NCKAP5: variants seen among roughly 807,000 people sequenced by gnomAD.
The protein encoded by NCKAP5 is NCK associated protein 5, also known as nck-associated protein 5.
In NCKAP5, 92 loss-of-function variants were observed where a neutral mutation model predicts 167.0. That is an observed-to-expected ratio of 0.55 (90% CI 0.47 to 0.66). NCKAP5 has a LOEUF of 0.66. NCKAP5 is among the 30% of genes least tolerant of loss of function. The pLI is 0.00. For synonymous variants in NCKAP5, 891 were observed against 877.4 expected (o/e 1.02, Z -0.27); for missense variants, 2,378 against 2,315.0 (o/e 1.03, Z -0.56).
chr2:133,217,314 C>T (rs2086472970), intron 4 of NCKAP5, among the ~76,000 whole-genome samples: 1 of 151,952 alleles, frequency 6.6e-6, no homozygotes. Flanking sequence ...GTATTAGTCC[C>T]ACCTAAACAA....
intron 3 of NCKAP5, among the ~76,000 whole-genome samples, chr2:133,491,494 C>T (rs1035557569): frequency 4.6e-5 from 7 of 152,108 alleles, no homozygotes; most frequent in Non-Finnish European, 7.3e-5. Flanking sequence ...TCTAAGCAAA[C>T]GTAGGCTAGG....
intron 3 of NCKAP5, among the ~76,000 whole-genome samples, chr2:133,372,435 A>G (rs1220972702): frequency 6.6e-6 from 1 of 152,212 alleles, no homozygotes; most frequent in African/African-American, 2.4e-5. Flanking sequence ...AATGATTCCT[A>G]CTGACTAGAA....
Position 132,996,103 on chromosome 2 carries a change from A to G in NCKAP5, c.342-1864T>C, listed in dbSNP as rs138142624. ...AACAGGAATTTTTCAGCTCCATTAT[A>G]GTTTTAAGACACCACAGTTTTGCAT... On this transcript the variant is annotated intron_variant, in intron 6 of 19. Coordinates refer to ENST00000409261, the MANE Select transcript of NCKAP5 (RefSeq NM_207363.3). Among the ~76,000 whole-genome samples, 799 of 152,338 alleles carry G rather than the reference A, an allele frequency of 5.2e-3. 5 individuals carry two copies. The highest frequency in any genetic ancestry group is 0.018 in the African/African-American group (732 of 41,576).
intron 4 of NCKAP5, among the ~76,000 whole-genome samples, chr2:133,274,745 C>A (rs1379123692): frequency 6.6e-6 from 1 of 150,710 alleles, no homozygotes; most frequent in African/African-American, 2.4e-5. Flanking sequence ...GGATTACTGT[C>A]AAAAAATGGC....
chr2:133,187,567 T>C (rs998069459), intron 5 of NCKAP5, among the ~76,000 whole-genome samples: 10 of 151,994 alleles, frequency 6.6e-5, no homozygotes, highest in Non-Finnish European at 1.5e-4. Context: ...ACAAAACATA[T>C]ATAAGATTGT....
chr2:133,184,687 T>A (rs1410969126), intron 5 of NCKAP5, among the ~76,000 whole-genome samples: 1 of 152,152 alleles, frequency 6.6e-6, no homozygotes, highest in African/African-American at 2.4e-5. Context: ...TATCTTACTG[T>A]GGTTTTGACT....
chr2:132,760,611 C>T (rs1371387700), intron 16 of NCKAP5, among the ~76,000 whole-genome samples: 1 of 150,788 alleles, frequency 6.6e-6, no homozygotes. Context: ...TCATTTTTTC[C>T]CCCTCATGGT....
chr2:132,777,769 T>C (rs1002821718), intron 15 of NCKAP5, among the ~76,000 whole-genome samples: 5 of 152,178 alleles, frequency 3.3e-5, no homozygotes, highest in African/African-American at 1.2e-4. Context: ...ATTTGTGTAA[T>C]TATTGTACTA....
At chr2:133,669,551 C>T in the NCKAP5 span, among the ~76,000 whole-genome samples, 1 of 152,208 alleles carries the variant, frequency 6.6e-6, no homozygotes, top group African/African-American at 2.4e-5. Flanking sequence ...TCCTCTAAAA[C>T]TTAAAATATA....
At chr2:133,606,550 T>C in the NCKAP5 span, among the ~76,000 whole-genome samples, 1 of 152,134 alleles carries the variant, frequency 6.6e-6, no homozygotes, top group Non-Finnish European at 1.5e-5. Context: ...TGACTGACCA[T>C]GCCTATGAAA....
chr2:133,131,667 T>C (rs946171905), intron 5 of NCKAP5, among the ~76,000 whole-genome samples: 1 of 152,112 alleles, frequency 6.6e-6, no homozygotes, highest in Admixed American at 6.6e-5. Context: ...AAAACTAAAA[T>C]CAAAATTAAA....
chr2:133,203,408 G>A (rs1484332452), intron 5 of NCKAP5, among the ~76,000 whole-genome samples: 1 of 152,020 alleles, frequency 6.6e-6, no homozygotes, highest in African/African-American at 2.4e-5. Flanking sequence ...GGGAAGCGGG[G>A]AGGAATAGCA....
the NCKAP5 span, among the ~76,000 whole-genome samples, chr2:133,652,984 G>A: frequency 1.3e-5 from 2 of 152,126 alleles, no homozygotes; most frequent in East Asian, 1.9e-4. Context: ...AGATGAACAC[G>A]AAATTAATGA....
intron 4 of NCKAP5, among the ~76,000 whole-genome samples, chr2:133,245,369 G>GA (rs1225593517): frequency 2.0e-5 from 3 of 151,960 alleles, no homozygotes; most frequent in Admixed American, 6.6e-5. Flanking sequence ...AAAACAGCGA[G>GA]AAAAAAACAA....
chr2:132,687,884 T>C (rs1230722379), intron 19 of NCKAP5, among the ~76,000 whole-genome samples: 1 of 152,102 alleles, frequency 6.6e-6, no homozygotes, highest in Non-Finnish European at 1.5e-5. Flanking sequence ...CCAATAAAGA[T>C]CTCTTGTTGT....
chr2:133,493,578 T>C (rs1681661080), intron 3 of NCKAP5, among the ~76,000 whole-genome samples: 1 of 152,186 alleles, frequency 6.6e-6, no homozygotes, highest in African/African-American at 2.4e-5. Flanking sequence ...TAACAAATAT[T>C]GAAACAAAAC....
the NCKAP5 span, among the ~76,000 whole-genome samples, chr2:133,648,237 T>C: frequency 6.6e-6 from 1 of 151,724 alleles, no homozygotes; most frequent in Non-Finnish European, 1.5e-5. Context: ...TCTCTCTATC[T>C]CACATCAGAT....
chr2:133,411,319 G>A (rs962649987), intron 3 of NCKAP5, among the ~76,000 whole-genome samples: 15 of 152,134 alleles, frequency 9.9e-5, no homozygotes, highest in African/African-American at 3.4e-4. Flanking sequence ...TGGTGTGGGC[G>A]TTGGTAAACT....
At chr2:133,407,836 C>T (rs1272108647) in intron 3 of NCKAP5, among the ~76,000 whole-genome samples, 1 of 152,140 alleles carries the variant, frequency 6.6e-6, no homozygotes, top group Admixed American at 6.5e-5. Context: ...TACGAGTGGG[C>T]TTGATATTAT....
Sources: gnomAD v4.1 joint callset for allele counts (sites outside exome capture counted in the v4.1 genomes callset) on GRCh38, gnomAD v4.1.1 for gene constraint, MANE v1.5 for transcripts, NCBI Gene and HGNC (gene_info 2026-07-23, HGNC 2026-07-21) for gene names.